Variants in FLG observed in about 807,000 individuals in gnomAD.
The protein encoded by FLG is epidermal filaggrin.
A neutral mutation model predicts 3.8 loss-of-function variants in FLG; 6 were observed. That is an observed-to-expected ratio of 1.60 (90% confidence interval 0.87 to 3.15). FLG has a LOEUF of 3.15. Ranked by LOEUF, FLG falls within the 30% of genes most tolerant of loss-of-function variation. The probability of loss-of-function intolerance (pLI) is 0.00; values close to 1 mark genes in which losing one functional copy is unlikely to be tolerated. For synonymous variants in FLG, 2,551 were observed against 1,931.6 expected, an observed-to-expected ratio of 1.32 and a Z score of -8.41; for missense variants, 7,595 against 5,050.9, an observed-to-expected ratio of 1.50 and a Z score of -15.27.
Position 152,308,952 on chromosome 1 carries a change from G to T in FLG, c.5934C>A (p.Gly1978=), listed in dbSNP as rs541586017. 2.5e-6 allele frequency: 4 copies of T among 1,614,188 alleles called. No homozygotes were observed. The highest frequency in any genetic ancestry group is 1.3e-5 in the African/African-American group (1 of 75,052). ...GHSADSSRQS[G]TRHTESSSRG... ...GAGAGGAAGACTCTGTGTGACGAGT[G>T]CCTGATTGTCTGGAGCTGTCTGCAG... The change falls in exon 3 of 3, where the codon GGC becomes GGA. Residue 1978 remains glycine, a synonymous_variant. Coordinates refer to ENST00000368799, the MANE Select transcript of FLG (RefSeq NM_002016.2).
chr1:152,314,846 T>C (rs1652721373), intron 2 of FLG, 99 bp from the exon 3 acceptor site: 1 of 1,489,772 alleles, frequency 6.7e-7, no homozygotes, highest in South Asian at 1.2e-5. Context: ...TCTTTGAGTA[T>C]TAAAAAGTGG....
rs752654274 is a variant in FLG, at chr1:152,309,969, A to G, written c.4917T>C (p.Asp1639=). 1.5e-5 allele frequency: 25 copies of G among 1,613,798 alleles called. No individual in the cohort carries two copies. The highest frequency in any genetic ancestry group is 1.1e-4 in the South Asian group (10 of 91,030). ...GSRNPRSHQE[D]RASHGHSAES... is the part of the protein sequence containing the mutation. ...CTGCAGAGTGCCCATGACTGGCTCTATCTTCTTGATGGGACCTGGGGTTCC... is the reference window on the plus strand; with the variant it reads ...CTGCAGAGTGCCCATGACTGGCTCTGTCTTCTTGATGGGACCTGGGGTTCC... The change falls in exon 3 of 3, where the codon GAT becomes GAC. Residue 1639 remains aspartate, a synonymous_variant. Transcript: ENST00000368799.
rs149817134 is a variant in FLG at position 152,309,248 on chromosome 1, G to T, written c.5638C>A (p.His1880Asn). ...GCTTCATGGTGACGCGACCCTGAGT[G>T]CCTGGAGCCGTCTCCTGATTGTTTC... ...NEKQSGDGSR[H>N]SGSRHHEASS... is the part of the protein sequence containing the mutation. Residue 1880 changes from histidine to asparagine, a missense_variant, in exon 3 of 3, where the codon CAC (histidine) becomes AAC (asparagine). His to Asn is a moderately conservative substitution (Grantham distance 68). Transcript: ENST00000368799. 16,908 of 1,613,748 alleles carry T rather than the reference G, an allele frequency of 0.01. 147 individuals carry two copies. Among genetic ancestry groups the T allele is most frequent in the Non-Finnish European group, 0.012 (13,961 of 1,179,952 alleles).
rs763323352 is a variant in FLG, at chr1:152,311,728, T to C, written c.3158A>G (p.Gln1053Arg). 23 of 1,613,938 alleles carry C rather than the reference T, an allele frequency of 1.4e-5. No homozygotes were observed. Among genetic ancestry groups the C allele is most frequent in the Non-Finnish European group, 1.7e-5 (20 of 1,180,014 alleles). ...ACTGTCTCTGACTGCAGATGAAGCTTGTCTGCGCGGAATGCCTGAGTGTCT... is the reference window on the plus strand; with the variant it reads ...ACTGTCTCTGACTGCAGATGAAGCTCGTCTGCGCGGAATGCCTGAGTGTCT... ...SSRHSGIPRR[Q>R]ASSAVRDSGH... Residue 1053 changes from glutamine to arginine, a missense_variant, in exon 3 of 3, where the codon CAA becomes CGA. Gln to Arg is a conservative substitution (Grantham distance 43). Transcript: ENST00000368799.
intron 1 of FLG, among the ~76,000 whole-genome samples, chr1:152,319,832 T>C (rs989307512): frequency 6.6e-6 from 1 of 151,310 alleles, no homozygotes; most frequent in African/African-American, 2.4e-5. Flanking sequence ...ATAATTCTAG[T>C]TGGAAGCACA....
Position 152,303,531 on chromosome 1 carries a change from C to T in FLG, c.11355G>A (p.Gly3785=). ...EQSVDRSGHS[G]SHHSHTTSQG... ...GGGATGTGGTGTGGCTGTGATGGGA[C>T]CCTGAGTGTCCAGACCTATCTACCG... is the stretch of plus-strand genomic sequence containing the variant. The change falls in exon 3 of 3, where the codon GGG becomes GGA. Residue 3785 remains glycine, a synonymous_variant. Coordinates refer to ENST00000368799, the MANE Select transcript of FLG (RefSeq NM_002016.2). 1 of 1,614,042 alleles carries T rather than the reference C, an allele frequency of 6.2e-7. No homozygotes were observed. The highest frequency in any genetic ancestry group is 8.5e-7 in the Non-Finnish European group (1 of 1,180,016).
chr1:152,310,102 C>T lies in FLG; in HGVS notation c.4784G>A (p.Ser1595Asn), dbSNP rs757400929. 1 of 1,614,022 alleles carries T rather than the reference C, an allele frequency of 6.2e-7. No homozygotes were observed. Among genetic ancestry groups the T allele is most frequent in the South Asian group, 1.1e-5 (1 of 91,072 alleles). ...KTSRRQGSSV[S>N]QDRDSEGHSE... ...GTGTCCCTCACTGTCCCTGTCCTGACTAACACTGGATCCCTGGCGCCTGCT... is the reference window on the plus strand; with the variant it reads ...GTGTCCCTCACTGTCCCTGTCCTGATTAACACTGGATCCCTGGCGCCTGCT... The change falls in exon 3 of 3, where the codon AGT becomes AAT. Residue 1595 changes from serine to asparagine, a missense_variant. Coordinates refer to ENST00000368799, the MANE Select transcript of FLG (RefSeq NM_002016.2).
In FLG at chr1:152,312,573, A is replaced by G. The variant is rs2101650347; in HGVS notation, c.2313T>C (p.His771=). The G allele has an allele frequency of 6.2e-7, 1 of 1,613,274 alleles. No individual in the cohort carries two copies. The highest frequency in any genetic ancestry group is 2.2e-5 in the East Asian group (1 of 44,790). The change falls in exon 3 of 3, where the codon CAT becomes CAC. Residue 771 remains histidine, a synonymous_variant. Coordinates refer to ENST00000368799, the MANE Select transcript of FLG (RefSeq NM_002016.2). Reference sequence around the variant, plus strand: ...GTGCGGACTCTTGGTGGCTCTGCTGATGGTGACCAGCCTGTCCATGGCCTG... The same window carrying G: ...GTGCGGACTCTTGGTGGCTCTGCTGGTGGTGACCAGCCTGTCCATGGCCTG... ...SVSGHGQAGH[H]QQSHQESARD... is the part of the protein sequence containing the mutation.
rs111937188 is a variant in FLG, at chr1:152,307,434, T to C, written c.7452A>G (p.Arg2484=). Residue 2484 remains arginine (R), a synonymous_variant, in exon 3 of 3, where the codon AGA becomes AGG. Transcript: ENST00000368799. ...TGTGATGAGACCCTGAGTGTCCAGA[T>C]CTATCTACCAATTGCTCGTAGTGGG... is the stretch of plus-strand genomic sequence containing the variant. The part of the protein sequence containing the change: ...QGSHYEQLVD[R]SGHSGSHHSH... 618 of 1,612,768 alleles carry C rather than the reference T, an allele frequency of 3.8e-4. 11 individuals are homozygous for C. The African/African-American group carries it at 5.7e-3, about 15-fold the overall frequency.
Position 152,311,290 on chromosome 1 carries a change from G to A in FLG, c.3596C>T (p.Thr1199Ile), listed in dbSNP as rs1191585677. 6 of 1,613,838 alleles carry A rather than the reference G, an allele frequency of 3.7e-6. No homozygotes were observed. Among genetic ancestry groups the A allele is most frequent in the South Asian group, 3.3e-5 (3 of 91,076 alleles). Residue 1199 changes from threonine to isoleucine, a missense_variant, in exon 3 of 3, where the codon ACA (threonine) becomes ATA (isoleucine). By Grantham distance (89) the Thr-to-Ile change is moderately conservative. Coordinates refer to ENST00000368799, the MANE Select transcript of FLG (RefSeq NM_002016.2). ...GGAGGCATCAGACCTTCCCTGGGATGTGGTGTGGCTGTGATGGGACCCTGA... is the reference window on the plus strand; with the variant it reads ...GGAGGCATCAGACCTTCCCTGGGATATGGTGTGGCTGTGATGGGACCCTGA... ...GHSGSHHSHT[T>I]SQGRSDASHG...
chr1:152,322,395 T>A (rs576299789), intron 1 of FLG, among the ~76,000 whole-genome samples: 1 of 151,206 alleles, frequency 6.6e-6, no homozygotes, highest in Non-Finnish European at 1.5e-5. Flanking sequence ...AGCTAAACTA[T>A]TAGAATAAAT....
chr1:152,312,228 C>G lies in FLG; in HGVS notation c.2658G>C (p.Gln886His). Residue 886 changes from glutamine (Q) to histidine (H), a missense_variant, in exon 3 of 3, where the codon CAG becomes CAC. Physicochemically the swap from Gln to His is conservative, Grantham distance 24. Coordinates refer to ENST00000368799, the MANE Select transcript of FLG (RefSeq NM_002016.2). ...TTCTGCTTGCACTTCTGGATCCTGACTGCCCACGGGAGGCATCAGACCTTC... is the reference window on the plus strand; with the variant it reads ...TTCTGCTTGCACTTCTGGATCCTGAGTGCCCACGGGAGGCATCAGACCTTC... ...SQGRSDASRG[Q>H]SGSRSASRTT... The G allele has an allele frequency of 3.1e-6, 5 of 1,613,894 alleles. No homozygotes were observed. The highest frequency in any genetic ancestry group is 3.3e-4 in the Middle Eastern group (2 of 6,062).
intron 1 of FLG, among the ~76,000 whole-genome samples, chr1:152,317,656 T>C (rs1652831870): frequency 6.6e-6 from 1 of 151,964 alleles, no homozygotes. Context: ...CTCCCTCGGG[T>C]CATCTCATCT....
At chr1:152,317,655 G>A (rs184980386) in intron 1 of FLG, among the ~76,000 whole-genome samples, 1 of 151,946 alleles carries the variant, frequency 6.6e-6, no homozygotes, top group East Asian at 1.9e-4. Flanking sequence ...ACTCCCTCGG[G>A]TCATCTCATC....
In FLG at chr1:152,312,543, G is replaced by A; in HGVS notation, c.2343C>T (p.Asp781=). 6.2e-7 allele frequency: 1 copy of A among 1,613,628 alleles called. No individual in the cohort carries two copies. The highest frequency in any genetic ancestry group is 1.1e-5 in the South Asian group (1 of 91,026). Residue 781 remains aspartate, a synonymous_variant, in exon 3 of 3, where the codon GAC becomes GAT. Coordinates refer to ENST00000368799, the MANE Select transcript of FLG (RefSeq NM_002016.2). ...HQQSHQESAR[D]RSGERSRRSG... ...AACGTCGAGACCTTTCCCCTGACCGGTCACGTGCGGACTCTTGGTGGCTCT... is the reference window on the plus strand; with the variant it reads ...AACGTCGAGACCTTTCCCCTGACCGATCACGTGCGGACTCTTGGTGGCTCT...
In FLG at chr1:152,306,136, C is replaced by A. The variant is rs146487738; in HGVS notation, c.8750G>T (p.Gly2917Val). 2.4e-3 allele frequency: 3,860 copies of A among 1,599,736 alleles called. 1 individual carries two copies. In the African/African-American group the frequency reaches 0.055, roughly 23 times the overall value. ...ATCTCTTAGCTGCTCCTGAGCAGATCCATGATGGTTTCTGGAAGCAGACCC... is the reference window on the plus strand; with the variant it reads ...ATCTCTTAGCTGCTCCTGAGCAGATACATGATGGTTTCTGGAAGCAGACCC... The part of the protein sequence containing the change: ...WSGSASRNHH[G>V]SAQEQLRDGS... The change falls in exon 3 of 3, where the codon GGA (glycine) becomes GTA (valine). Residue 2917 changes from glycine to valine, a missense_variant. By Grantham distance (109) the Gly-to-Val change is moderately radical. Coordinates refer to ENST00000368799, the MANE Select transcript of FLG (RefSeq NM_002016.2).
At chr1:152,321,131 AATG>A (rs1441177525) in intron 1 of FLG, among the ~76,000 whole-genome samples, 1 of 150,778 alleles carries the variant, frequency 6.6e-6, no homozygotes, top group Admixed American at 6.6e-5. Flanking sequence ...TATATATATG[AATG>A]ATATCTCTTT....
chr1:152,315,096 A>G (rs1299227958), intron 2 of FLG: 8 of 414,452 alleles, frequency 1.9e-5, no homozygotes, highest in Non-Finnish European at 3.4e-5. Context: ...ACTAATTTAC[A>G]TTAATTTTTA....
intron 1 of FLG, among the ~76,000 whole-genome samples, chr1:152,323,856 A>G (rs550234135): frequency 3.4e-4 from 52 of 151,862 alleles, no homozygotes; most frequent in African/African-American, 1.2e-3. Flanking sequence ...TATTTATAAT[A>G]CCCCCCAAAA....
Sources: allele counts gnomAD v4.1 joint callset (sites outside exome capture counted in the v4.1 genomes callset), GRCh38; gene constraint gnomAD v4.1.1; transcripts MANE v1.5; gene names NCBI Gene and HGNC (gene_info 2026-07-23, HGNC 2026-07-21).